The following ZNF8 variants were observed in gnomAD, a reference collection of about 807,000 sequenced individuals.
ZNF8 encodes the protein zinc finger protein 8.
In ZNF8, 9 loss-of-function variants were observed where a neutral mutation model predicts 12.2. The observed-to-expected ratio is 0.73, with a 90% CI of 0.44 to 1.28. ZNF8 has a LOEUF of 1.28. ZNF8 is among the 50% of genes most tolerant of loss of function. ZNF8 has a pLI of 0.00. For synonymous variants in ZNF8, 274 were observed against 282.3 expected, an observed-to-expected ratio of 0.97 and a Z score of 0.30; for missense variants, 664 against 729.1, an observed-to-expected ratio of 0.91 and a Z score of 1.03.
Position 58,300,964 on chromosome 19 carries a change from C to T in ZNF8, c.*5428C>T, listed in dbSNP as rs1483804232. On this transcript the variant is annotated 3_prime_UTR_variant, in exon 4 of 4. Transcript: ENST00000621650. ...CTTCAGGGACTTCTCAACCTCCCGT[C>T]ACCCTTCCTAAATGCTGGGGTCCTA... 6.6e-6 allele frequency: 1 copy of T among 152,436 alleles called. No homozygotes were observed. Among genetic ancestry groups the T allele is most frequent in the Non-Finnish European group, 1.5e-5 (1 of 68,212 alleles). 9.4% of individuals were successfully genotyped at this position (152,436 alleles called of 1,614,324 possible). A position where few individuals can be genotyped will look rare whatever the true frequency, so the allele number is the denominator to read the frequency against.
In ZNF8 at chr19:58,281,942, A is replaced by G. The variant is rs144852061; in HGVS notation, c.66+2795A>G. On this transcript the variant is annotated intron_variant, in intron 1 of 3. Transcript: ENST00000621650. Reference sequence around the variant, plus strand: ...AGCCTGGCCAACGTGGTGCAACCCCATCTCTACTAAAAGTACAAAAATTAG... The same window carrying G: ...AGCCTGGCCAACGTGGTGCAACCCCGTCTCTACTAAAAGTACAAAAATTAG... Among the ~76,000 whole-genome samples the G allele has an allele frequency of 3.9e-3, 594 of 152,144 alleles. 2 individuals carry two copies. The highest frequency in any genetic ancestry group is 0.014 in the African/African-American group (568 of 41,520).
In ZNF8 at chr19:58,291,232, A is replaced by G. The variant is rs553656319; in HGVS notation, c.290-2866A>G. ...GCTGCAGGTCACCTCCTGGCTGACT[A>G]CAGTCCCAGCTCTTCTCCCATTTCC... On this transcript the variant is annotated intron_variant, in intron 3 of 3. Transcript: ENST00000621650. 5.9e-5 allele frequency among the ~76,000 whole-genome samples: 9 copies of G among 152,176 alleles called. No individual in the cohort carries two copies. The South Asian group carries it at 1.9e-3, about 32-fold the overall frequency.
In ZNF8 at chr19:58,295,133, A is replaced by C. The variant is rs764072884; in HGVS notation, c.1325A>C (p.His442Pro). Residue 442 changes from histidine to proline, a missense_variant, in exon 4 of 4, where the codon CAT becomes CCT. His to Pro is a moderately conservative substitution (Grantham distance 77). This residue lies in a region of ZNF8 where 225 missense variants were observed against 222.0 expected (regional missense o/e 1.01). Coordinates refer to ENST00000621650, the MANE Select transcript of ZNF8 (RefSeq NM_021089.3). The stretch of plus-strand genomic sequence containing the variant: ...GAGCAGACGCCAGCTCTCACAAAGC[A>C]TGAATGGACAGAAGCCCTGGGCTGT... ...IFEQTPALTK[H>P]EWTEALGCDP... The C allele has an allele frequency of 6.2e-7, 1 of 1,614,042 alleles. No individual in the cohort carries two copies. Among genetic ancestry groups the C allele is most frequent in the Non-Finnish European group, 8.5e-7 (1 of 1,180,052 alleles).
intron 3 of ZNF8, among the ~76,000 whole-genome samples, chr19:58,289,592 G>A (rs1360624423): frequency 2.0e-5 from 3 of 151,630 alleles, no homozygotes; most frequent in African/African-American, 4.8e-5. Context: ...CTCTGACGGC[G>A]CCCAGAGAGA....
chr19:58,290,589 G>A (rs573719665), intron 3 of ZNF8, among the ~76,000 whole-genome samples: 21 of 151,980 alleles, frequency 1.4e-4, no homozygotes, highest in African/African-American at 3.6e-4. Flanking sequence ...AGAAGACCGC[G>A]TCTCTACAAA....
At position 58,297,756 on chromosome 19, in the gene ZNF8, G is replaced by T; in HGVS notation, c.*2220G>T. The T allele has an allele frequency of 6.6e-6, 1 of 152,188 alleles. No individual in the cohort carries two copies. Among genetic ancestry groups the T allele is most frequent in the Non-Finnish European group, 1.5e-5 (1 of 68,014 alleles). The allele number at this position is 152,188 out of a possible 1,614,324, so 9.4% of individuals were successfully genotyped here. A position where few individuals can be genotyped will look rare whatever the true frequency, so the allele number is the denominator to read the frequency against. On this transcript the variant is annotated 3_prime_UTR_variant, in exon 4 of 4. Coordinates refer to ENST00000621650, the MANE Select transcript of ZNF8 (RefSeq NM_021089.3). ...CAAACATGAGTCATATATTTTTGCT[G>T]GTACTCCCATCTACCTCCCCACCAT...
intron 1 of ZNF8, among the ~76,000 whole-genome samples, chr19:58,284,834 G>A (rs1195116545): frequency 6.6e-6 from 1 of 152,196 alleles, no homozygotes; most frequent in South Asian, 2.1e-4. Context: ...GGGTGACAGA[G>A]CAAGACTCTA....
At chr19:58,285,951 C>A in intron 2 of ZNF8, 108 bp downstream of exon 2, 1 of 1,442,602 alleles carries the variant, frequency 6.9e-7, no homozygotes, top group Non-Finnish European at 9.5e-7. Context: ...ATGGGGAGTG[C>A]ATGAAGAGGG....
intron 3 of ZNF8, among the ~76,000 whole-genome samples, chr19:58,292,645 A>C (rs751869354): frequency 1.9e-4 from 29 of 152,224 alleles, no homozygotes; most frequent in Non-Finnish European, 5.9e-5. Context: ...TGCCTGTTCT[A>C]GATATTCCAT....
In ZNF8 at chr19:58,297,801, AT is replaced by A. The variant is rs1051718531; in HGVS notation, c.*2266del. On this transcript the variant is annotated 3_prime_UTR_variant, in exon 4 of 4. Coordinates refer to ENST00000621650, the MANE Select transcript of ZNF8 (RefSeq NM_021089.3). ...CACCATTCTCCTTCCCTGGATATAT[AT>A]ATAACCATGTTTGTCCACTGGGACA... is the stretch of plus-strand genomic sequence containing the variant. 1 of 152,200 alleles carries A rather than the reference AT, an allele frequency of 6.6e-6. No homozygotes were observed. The highest frequency in any genetic ancestry group is 2.4e-5 in the African/African-American group (1 of 41,432). 9.4% of individuals were successfully genotyped at this position (152,200 alleles called of 1,614,324 possible).
rs149779948 is a variant in ZNF8, at chr19:58,285,858, G to A, written c.193+15G>A. On this transcript the variant is annotated intron_variant, in intron 2 of 3. Coordinates refer to ENST00000621650, the MANE Select transcript of ZNF8 (RefSeq NM_021089.3). ...GCTCTCCATAGGTAAGCCCTGCTTC[G>A]CAAGGTGTGATAGCTGATTCTCTCT... 7.0e-5 allele frequency: 112 copies of A among 1,598,556 alleles called. No individual in the cohort carries two copies. The African/African-American group carries it at 1.2e-3, about 17-fold the overall frequency.
chr19:58,281,698 CCCAA>C (rs1480505373), intron 1 of ZNF8, among the ~76,000 whole-genome samples: 71 of 152,134 alleles, frequency 4.7e-4, no homozygotes, highest in African/African-American at 1.6e-3. Flanking sequence ...GACCTCAGTT[CCCAA>C]CCAAAGGCAT....
intron 3 of ZNF8, among the ~76,000 whole-genome samples, chr19:58,288,251 G>C (rs1007942800): frequency 1.3e-5 from 2 of 152,040 alleles, no homozygotes; most frequent in Non-Finnish European, 2.9e-5. Context: ...CCTAAAACCA[G>C]GTTGGAGCAG....
At chr19:58,279,737 C>G (rs1422764130) in intron 1 of ZNF8, 2 of 1,513,882 alleles carry the variant, frequency 1.3e-6, no homozygotes, top group Non-Finnish European at 1.8e-6. Flanking sequence ...GCAGGGCGGT[C>G]AGTGTTTGCA....
At chr19:58,279,660 C>T (rs2051334501) in intron 1 of ZNF8, 1 of 1,533,602 alleles carries the variant, frequency 6.5e-7, no homozygotes. Flanking sequence ...GATGGGTCAC[C>T]ACGCACTGAG....
intron 3 of ZNF8, among the ~76,000 whole-genome samples, chr19:58,289,265 G>A (rs1308530126): frequency 6.6e-6 from 1 of 152,164 alleles, no homozygotes; most frequent in African/African-American, 2.4e-5. Context: ...GGAGGCCAGG[G>A]CAGACGGATC....
rs59558978 is a variant in ZNF8, at chr19:58,298,848, CT to C, written c.*3324del. On this transcript the variant is annotated 3_prime_UTR_variant, in exon 4 of 4. Coordinates refer to ENST00000621650, the MANE Select transcript of ZNF8 (RefSeq NM_021089.3). ...GTTGGAATTTTTCTTTTTTCTTTTT[CT>C]TTTTTTTTTTTGTGATGGAGACTTG... 0.57 allele frequency: 83,487 copies of C among 145,448 alleles called. 23,765 individuals carry two copies. The highest frequency in any genetic ancestry group is 0.64 in the South Asian group (2,940 of 4,572). 9.0% of individuals were successfully genotyped at this position (145,448 alleles called of 1,614,324 possible).
chr19:58,291,392 T>A (rs1461223714), intron 3 of ZNF8, among the ~76,000 whole-genome samples: 1 of 152,248 alleles, frequency 6.6e-6, no homozygotes, highest in African/African-American at 2.4e-5. Flanking sequence ...TCTTTGCTGT[T>A]CCTGGCCAGG....
At position 58,293,202 on chromosome 19, in the gene ZNF8, G is replaced by A. The variant is rs148485748; in HGVS notation, c.290-896G>A. 8.7e-3 allele frequency among the ~76,000 whole-genome samples: 1,331 copies of A among 152,270 alleles called. 12 individuals are homozygous for A. The highest frequency in any genetic ancestry group is 0.03 in the African/African-American group (1,266 of 41,550). ...GATCCTCCAGCCTCGGCTTCCCAAA[G>A]TGCTAGGATTACAGGCATGAGCCAC... On this transcript the variant is annotated intron_variant, in intron 3 of 3. Transcript: ENST00000621650.
Sources: allele counts gnomAD v4.1 joint callset (sites outside exome capture counted in the v4.1 genomes callset), GRCh38; gene constraint gnomAD v4.1.1; regional missense constraint gnomAD v4.1.1; transcripts MANE v1.5; gene names NCBI Gene and HGNC (gene_info 2026-07-23, HGNC 2026-07-21).